ATF7IP2: variants seen among roughly 807,000 people sequenced by gnomAD.
ATF7IP2 encodes the protein activating transcription factor 7 interacting protein 2.
ATF7IP2 carries 42 observed loss-of-function variants against 64.2 expected under a neutral mutation model. That is an observed-to-expected ratio of 0.65 (90% CI 0.51 to 0.85). The LOEUF (loss-of-function observed/expected upper bound fraction) is 0.85. ATF7IP2 is among the 40% of genes least tolerant of loss of function. The probability of loss-of-function intolerance (pLI) is 0.00; values close to 1 mark genes in which losing one functional copy is unlikely to be tolerated. For missense variants in ATF7IP2, 933 were observed against 784.2 expected (o/e 1.19, Z -2.27); for synonymous variants, 308 against 272.8 (o/e 1.13, Z -1.27).
chr16:10,463,845 G>C (rs1356072483), intron 9 of ATF7IP2, among the ~76,000 whole-genome samples: 1 of 152,170 alleles, frequency 6.6e-6, no homozygotes, highest in African/African-American at 2.4e-5. Context: ...GATTTTATAA[G>C]ACAGTGATTT....
intron 3 of ATF7IP2, among the ~76,000 whole-genome samples, chr16:10,421,590 A>G (rs909283784): frequency 6.6e-6 from 1 of 152,150 alleles, no homozygotes; most frequent in Non-Finnish European, 1.5e-5. Context: ...AAGGTCCCCA[A>G]GTAGGAGTAA....
intron 8 of ATF7IP2, among the ~76,000 whole-genome samples, chr16:10,455,132 T>A (rs2049124356): frequency 6.6e-6 from 1 of 152,204 alleles, no homozygotes; most frequent in Non-Finnish European, 1.5e-5. Context: ...CTGCAAGATG[T>A]CCATGACCTA....
At chr16:10,418,213 C>A (rs1486572459) in intron 2 of ATF7IP2, among the ~76,000 whole-genome samples, 2 of 152,224 alleles carry the variant, frequency 1.3e-5, no homozygotes, top group Admixed American at 6.5e-5. Context: ...CACAGACACT[C>A]ATGCTATTGT....
At chr16:10,407,936 G>A (rs954103588) in intron 1 of ATF7IP2, among the ~76,000 whole-genome samples, 1 of 149,074 alleles carries the variant, frequency 6.7e-6, no homozygotes, top group African/African-American at 2.5e-5. Flanking sequence ...TTTTTTAGAC[G>A]GAGTCTCGCT....
intron 13 of ATF7IP2, 107 bp downstream of exon 13, chr16:10,481,071 A>G (rs1158565399): frequency 3.8e-6 from 3 of 781,396 alleles, no homozygotes; most frequent in African/African-American, 1.7e-5. Flanking sequence ...TTAGACAACA[A>G]TTTAGTGTGC....
chr16:10,433,316 C>T (rs568053547), intron 5 of ATF7IP2, among the ~76,000 whole-genome samples: 4 of 152,006 alleles, frequency 2.6e-5, no homozygotes, highest in African/African-American at 4.8e-5. Flanking sequence ...GCTGAGACTA[C>T]GGGCATGCCC....
chr16:10,437,157 G>T (rs2048448671), intron 6 of ATF7IP2, among the ~76,000 whole-genome samples: 1 of 151,946 alleles, frequency 6.6e-6, no homozygotes, highest in South Asian at 2.1e-4. Flanking sequence ...GAGTAGCTGA[G>T]ACTATGTTGC....
At chr16:10,452,369 C>T (rs1019978644) in intron 8 of ATF7IP2, among the ~76,000 whole-genome samples, 4 of 152,128 alleles carry the variant, frequency 2.6e-5, no homozygotes, top group Non-Finnish European at 5.9e-5. Context: ...TCTGTCAGGC[C>T]CCTGTGGTGC....
chr16:10,445,326 G>A (rs962056616), intron 8 of ATF7IP2: 2 of 152,102 alleles, frequency 1.3e-5, no homozygotes, highest in Non-Finnish European at 1.5e-5. Flanking sequence ...AGAGAAAATG[G>A]GGACTGTGGT....
At chr16:10,394,091 G>A (rs979471056) in intron 1 of ATF7IP2, among the ~76,000 whole-genome samples, 3 of 152,148 alleles carry the variant, frequency 2.0e-5, no homozygotes, top group African/African-American at 7.2e-5. Context: ...CCATGAAATG[G>A]CAGAGATTTT....
At chr16:10,412,545 G>C (rs997348442) in intron 1 of ATF7IP2, among the ~76,000 whole-genome samples, 3 of 152,100 alleles carry the variant, frequency 2.0e-5, no homozygotes, top group African/African-American at 7.2e-5. Context: ...GAGAGTGCTT[G>C]ATATAATTTC....
chr16:10,408,275 A>G (rs1281848441), intron 1 of ATF7IP2, among the ~76,000 whole-genome samples: 7 of 152,212 alleles, frequency 4.6e-5, no homozygotes, highest in Admixed American at 2.6e-4. Flanking sequence ...TATTTCTGCA[A>G]TTGTGAATTG....
intron 1 of ATF7IP2, among the ~76,000 whole-genome samples, chr16:10,387,987 C>T (rs751504827): frequency 2.0e-5 from 3 of 152,218 alleles, no homozygotes; most frequent in Non-Finnish European, 4.4e-5. Flanking sequence ...ACTGCAACCT[C>T]CTCCCTCCGG....
chr16:10,428,434 T>C (rs189860378), intron 3 of ATF7IP2, among the ~76,000 whole-genome samples: 2 of 152,308 alleles, frequency 1.3e-5, no homozygotes, highest in East Asian at 1.9e-4. Context: ...AGATTTACAA[T>C]AGTAAGATAT....
chr16:10,389,988 C>G (rs1161219106), intron 1 of ATF7IP2, among the ~76,000 whole-genome samples: 1 of 152,190 alleles, frequency 6.6e-6, no homozygotes, highest in Non-Finnish European at 1.5e-5. Context: ...TCTTAAGACC[C>G]TCCGTTCAAA....
intron 3 of ATF7IP2, among the ~76,000 whole-genome samples, chr16:10,424,295 T>G (rs1372916962): frequency 6.6e-6 from 1 of 152,202 alleles, no homozygotes; most frequent in Non-Finnish European, 1.5e-5. Context: ...ATGGCCAGTT[T>G]TGGGGTCTGT....
intron 3 of ATF7IP2, among the ~76,000 whole-genome samples, chr16:10,420,410 C>A (rs1236788449): frequency 6.6e-6 from 1 of 152,214 alleles, no homozygotes; most frequent in Admixed American, 6.5e-5. Context: ...AGGATTAACT[C>A]CTCCTATAAA....
At chr16:10,464,237 T>A (rs1482704657) in intron 9 of ATF7IP2, among the ~76,000 whole-genome samples, 2 of 152,212 alleles carry the variant, frequency 1.3e-5, no homozygotes. Context: ...TACTTTTGTA[T>A]ACATTATCTA....
chr16:10,398,310 A>T (rs1433746369), intron 1 of ATF7IP2, among the ~76,000 whole-genome samples: 1 of 148,308 alleles, frequency 6.7e-6, no homozygotes, highest in Non-Finnish European at 1.5e-5. Flanking sequence ...TCTCAAAAAA[A>T]AAAAAATAAT....
Sources: allele counts gnomAD v4.1 joint callset (sites outside exome capture counted in the v4.1 genomes callset), GRCh38; gene constraint gnomAD v4.1.1; transcripts MANE v1.5; gene names NCBI Gene and HGNC (gene_info 2026-07-23, HGNC 2026-07-21).